Variants in ARFGEF1 observed in about 807,000 individuals in gnomAD.
ARFGEF1 encodes the protein brefeldin A-inhibited guanine nucleotide-exchange protein 1.
Under a neutral mutation model 231.0 loss-of-function variants are expected in ARFGEF1, and 42 were observed. The observed-to-expected ratio is 0.18, with a 90% confidence interval of 0.14 to 0.24. The LOEUF is 0.24. Ranked by LOEUF, ARFGEF1 falls within the 10% of genes least tolerant of loss-of-function variation. ARFGEF1 has a pLI of 1.00. For missense variants in ARFGEF1, 1,345 were observed against 2,192.0 expected (o/e 0.61, Z 7.72); for synonymous variants, 710 against 732.3 (o/e 0.97, Z 0.49).
chr8:67,289,961 T>G (rs1281646192), intron 6 of ARFGEF1, among the ~76,000 whole-genome samples: 1 of 152,164 alleles, frequency 6.6e-6, no homozygotes, highest in Non-Finnish European at 1.5e-5. Context: ...AATTTTCACA[T>G]AAGTATCTGA....
downstream of ARFGEF1, chr8:67,195,451 T>C: frequency 1.2e-6 from 2 of 1,614,162 alleles, no homozygotes; most frequent in Non-Finnish European, 1.7e-6. Context: ...TCAAACTCTG[T>C]AGCAACTGAG....
chr8:67,251,491 T>C (rs1428988643), intron 18 of ARFGEF1, 41 bp from the exon 19 acceptor site: 2 of 1,502,708 alleles, frequency 1.3e-6, no homozygotes, highest in South Asian at 1.3e-5. Flanking sequence ...ATATAAAACA[T>C]TTAAGAATTC....
intron 5 of ARFGEF1, chr8:67,190,778 TC>T: frequency 6.5e-7 from 1 of 1,535,402 alleles, no homozygotes; most frequent in Non-Finnish European, 9.0e-7. Flanking sequence ...GAGACTTTTC[TC>T]CCCCTTTTCA....
intron 1 of ARFGEF1, among the ~76,000 whole-genome samples, chr8:67,306,153 C>T (rs1806733899): frequency 6.6e-6 from 1 of 152,180 alleles, no homozygotes; most frequent in Admixed American, 6.5e-5. Context: ...CACTCTTGTG[C>T]TTTGGGGGTA....
intron 1 of ARFGEF1, among the ~76,000 whole-genome samples, chr8:67,304,784 G>A (rs960891085): frequency 5.3e-5 from 8 of 152,182 alleles, no homozygotes; most frequent in African/African-American, 7.2e-5. Context: ...GCGCCACTGC[G>A]CTCCAGCCTG....
intron 35 of ARFGEF1, 61 bp from the exon 36 acceptor site, chr8:67,203,312 A>C: frequency 6.4e-7 from 1 of 1,557,362 alleles, no homozygotes; most frequent in Non-Finnish European, 8.7e-7. Flanking sequence ...CTTGATTTAC[A>C]ACTCAATGCT....
intron 19 of ARFGEF1, among the ~76,000 whole-genome samples, chr8:67,243,870 A>G (rs1840008411): frequency 6.6e-6 from 1 of 152,216 alleles, no homozygotes; most frequent in Non-Finnish European, 1.5e-5. Context: ...GGTAACACAG[A>G]AGAAATTCAG....
chr8:67,200,576 G>C (rs1428564348), intron 37 of ARFGEF1, 63 bp from the exon 38 acceptor site: 1 of 993,872 alleles, frequency 1.0e-6, no homozygotes, highest in East Asian at 2.4e-5. Context: ...TATTCACCGA[G>C]AAAGAGCAAT....
chr8:67,289,549 CAAAAA>C (rs552601455), intron 6 of ARFGEF1, among the ~76,000 whole-genome samples: 17 of 44,846 alleles, frequency 3.8e-4, no homozygotes, highest in African/African-American at 1.1e-3. Context: ...ACTCTGTATC[CAAAAA>C]AAAAAAAAAA....
intron 1 of ARFGEF1, among the ~76,000 whole-genome samples, chr8:67,320,292 A>G (rs1807526329): frequency 6.6e-6 from 1 of 151,548 alleles, no homozygotes; most frequent in Non-Finnish European, 1.5e-5. Flanking sequence ...CAAATGAAAA[A>G]CCATAATGAT....
At chr8:67,208,450 C>A (rs543105572) in intron 34 of ARFGEF1, among the ~76,000 whole-genome samples, 151 of 151,914 alleles carry the variant, frequency 9.9e-4, no homozygotes, top group African/African-American at 3.4e-3. Flanking sequence ...GCCAACATGG[C>A]GAAACCCCAT....
At chr8:67,188,710 G>C (rs1835364586) in intron 5 of ARFGEF1, among the ~76,000 whole-genome samples, 1 of 152,136 alleles carries the variant, frequency 6.6e-6, no homozygotes, top group Non-Finnish European at 1.5e-5. Flanking sequence ...CCACCCCTCC[G>C]GATCTGGCAG....
chr8:67,309,285 T>G (rs1474349313), intron 1 of ARFGEF1, among the ~76,000 whole-genome samples: 3 of 152,182 alleles, frequency 2.0e-5, no homozygotes, highest in Non-Finnish European at 2.9e-5. Context: ...AAAAGAGAGA[T>G]AGCGATCAAA....
intron 1 of ARFGEF1, among the ~76,000 whole-genome samples, chr8:67,340,843 C>G (rs1415178114): frequency 6.6e-6 from 1 of 152,152 alleles, no homozygotes; most frequent in Admixed American, 6.5e-5. Context: ...CTGTCAAAAT[C>G]TGGAATAGAC....
chr8:67,253,650 T>C, intron 17 of ARFGEF1, 28 bp from the exon 18 acceptor site: 3 of 1,257,302 alleles, frequency 2.4e-6, no homozygotes, highest in Non-Finnish European at 3.2e-6. Context: ...TTATAATTCC[T>C]AAAAATTAAC....
At chr8:67,310,313 G>A (rs556965106) in intron 1 of ARFGEF1, among the ~76,000 whole-genome samples, 51 of 152,292 alleles carry the variant, frequency 3.3e-4, no homozygotes, top group African/African-American at 1.2e-3. Context: ...TGGCCGGGCC[G>A]GTCTCCAGCC....
downstream of ARFGEF1, chr8:67,195,525 G>GAGC: frequency 1.2e-6 from 2 of 1,614,196 alleles, no homozygotes; most frequent in East Asian, 4.5e-5. Context: ...GCTGAACCAG[G>GAGC]AGCAGCAGCA....
chr8:67,202,167 A>AT (rs1838354249), intron 36 of ARFGEF1, among the ~76,000 whole-genome samples: 1 of 152,210 alleles, frequency 6.6e-6, no homozygotes, highest in African/African-American at 2.4e-5. Context: ...ATACAGTTTG[A>AT]TAAGTATCAG....
At chr8:67,186,653 T>C (rs1834695175) in intron 5 of ARFGEF1, among the ~76,000 whole-genome samples, 1 of 152,178 alleles carries the variant, frequency 6.6e-6, no homozygotes, top group Admixed American at 6.5e-5. Context: ...ATTAACATCA[T>C]ACTGGAAGTC....
Sources: gnomAD v4.1 joint callset for allele counts (sites outside exome capture counted in the v4.1 genomes callset) on GRCh38, gnomAD v4.1.1 for gene constraint, MANE v1.5 for transcripts, NCBI Gene and HGNC (gene_info 2026-07-23, HGNC 2026-07-21) for gene names.